DCC: variants seen among roughly 807,000 people sequenced by gnomAD.
DCC encodes the protein DCC netrin 1 receptor.
In DCC, 58 loss-of-function variants were observed where a neutral mutation model predicts 172.5. That is an observed-to-expected ratio of 0.34 (90% confidence interval 0.27 to 0.42). The LOEUF (loss-of-function observed/expected upper bound fraction) is 0.42, where lower values mean the gene tolerates loss of function less well. DCC is among the 10% of genes least tolerant of loss of function. The pLI, the probability that DCC is intolerant of heterozygous loss-of-function variation, is 1.00. For synonymous variants in DCC, 709 were observed against 644.5 expected (o/e 1.10, Z -1.52); for missense variants, 1,740 against 1,791.0 (o/e 0.97, Z 0.51).
intron 25 of DCC, among the ~76,000 whole-genome samples, 175 bp downstream of exon 25, chr18:53,468,185 G>A (rs1187170115): frequency 7.2e-5 from 11 of 151,886 alleles, no homozygotes; most frequent in East Asian, 3.9e-4. Context: ...GTCTTCATTC[G>A]TTACTGTATT....
rs114607259 is a variant in DCC, at chr18:53,005,764, G to A, written c.986-57541G>A. ...AGAAAAGAAAGAATCTTTACTTAAT[G>A]TGTGTTATAATTGTTTGTTGGTTAT... On this transcript the variant is annotated intron_variant, in intron 5 of 28. Coordinates refer to ENST00000442544, the MANE Select transcript of DCC (RefSeq NM_005215.4). 5.1e-3 allele frequency among the ~76,000 whole-genome samples: 774 copies of A among 152,246 alleles called. 5 individuals are homozygous for A. Among genetic ancestry groups the A allele is most frequent in the African/African-American group, 0.017 (721 of 41,554 alleles).
At position 52,627,904 on chromosome 18, in the gene DCC, C is replaced by A. The variant is rs113445871; in HGVS notation, c.92-124150C>A. ...AGAGTGTCTGCAATGTCACTTCCTG[C>A]TTTTCCCCACATTTTGGTGGCCTTC... On this transcript the variant is annotated intron_variant, in intron 1 of 28. Transcript: ENST00000442544. 2.2e-3 allele frequency among the ~76,000 whole-genome samples: 340 copies of A among 152,248 alleles called. 1 individual carries two copies. The highest frequency in any genetic ancestry group is 7.9e-3 in the African/African-American group (329 of 41,550).
At chr18:53,073,891 T>C (rs1039642452) in intron 7 of DCC, among the ~76,000 whole-genome samples, 1 of 150,952 alleles carries the variant, frequency 6.6e-6, no homozygotes, top group Non-Finnish European at 1.5e-5. Flanking sequence ...AATATACTAA[T>C]AAAATTGTAT....
intron 12 of DCC, among the ~76,000 whole-genome samples, chr18:53,222,261 C>T (rs2055945593): frequency 6.6e-6 from 1 of 152,090 alleles, no homozygotes; most frequent in Admixed American, 6.5e-5. Flanking sequence ...AAAGAATACT[C>T]TGCAAATTTG....
chr18:52,989,957 C>G (rs1475524884), intron 5 of DCC, among the ~76,000 whole-genome samples: 1 of 152,152 alleles, frequency 6.6e-6, no homozygotes, highest in African/African-American at 2.4e-5. Context: ...CAGGCAGCAT[C>G]TGAGATGTAA....
At chr18:52,749,026 G>A (rs2036953890) in intron 1 of DCC, among the ~76,000 whole-genome samples, 1 of 152,020 alleles carries the variant, frequency 6.6e-6, no homozygotes, top group Admixed American at 6.6e-5. Context: ...GGCCAACATG[G>A]CCATCTCTAC....
In DCC at chr18:52,870,157, G is replaced by T. The variant is rs985608906; in HGVS notation, c.413-35887G>T. ...CTCCGGGGAGTGCTGCACGAGCTGC[G>T]GCCCAGATCTGCCTCCTCCTTGCAC... is the stretch of plus-strand genomic sequence containing the variant. On this transcript the variant is annotated intron_variant, in intron 2 of 28. Transcript: ENST00000442544. 6.6e-5 allele frequency among the ~76,000 whole-genome samples: 10 copies of T among 152,302 alleles called. No homozygotes were observed. The South Asian group carries it at 1.5e-3, about 22-fold the overall frequency.
At chr18:53,226,948 A>ATATATATATATTTTTTTTTTTTTTTT in intron 12 of DCC, among the ~76,000 whole-genome samples, 2 of 52,954 alleles carry the variant, frequency 3.8e-5, no homozygotes, top group Non-Finnish European at 8.0e-5. Flanking sequence ...ATATATATAT[A>ATATATATATATTTTTTTTTTTTTTTT]TTTTTTTTTT....
chr18:53,421,200 T>C (rs1367625221), intron 21 of DCC, among the ~76,000 whole-genome samples: 3 of 152,212 alleles, frequency 2.0e-5, no homozygotes, highest in Admixed American at 6.5e-5. Flanking sequence ...AATATTGTTC[T>C]CCACTTTGAG....
chr18:52,837,548 C>G (rs767818083), intron 2 of DCC, among the ~76,000 whole-genome samples: 3 of 152,140 alleles, frequency 2.0e-5, no homozygotes, highest in Admixed American at 6.5e-5. Flanking sequence ...AATAAGTTCT[C>G]CATCTCCATC....
At chr18:52,827,430 C>G (rs762156950) in intron 2 of DCC, among the ~76,000 whole-genome samples, 8 of 152,182 alleles carry the variant, frequency 5.3e-5, no homozygotes, top group Non-Finnish European at 1.2e-4. Flanking sequence ...GGAAGTATAT[C>G]CCTAGAGAAT....
Position 52,771,591 on chromosome 18 carries a change from G to A in DCC, c.412+19217G>A, listed in dbSNP as rs528225417. On this transcript the variant is annotated intron_variant, in intron 2 of 28. Transcript: ENST00000442544. The stretch of plus-strand genomic sequence containing the variant: ...ATTACACTCACTAATATAACATGGA[G>A]ACATTGTTATCAGAGAGGTCTCTAA... Among the ~76,000 whole-genome samples the A allele has an allele frequency of 1.4e-4, 22 of 152,274 alleles. No homozygotes were observed. The East Asian group carries it at 2.7e-3, about 19-fold the overall frequency.
chr18:53,339,235 C>T (rs2057626954), intron 14 of DCC, among the ~76,000 whole-genome samples: 1 of 152,182 alleles, frequency 6.6e-6, no homozygotes, highest in Admixed American at 6.5e-5. Context: ...TCATGCTGGA[C>T]AGATCATGGC....
chr18:53,196,022 C>T lies in DCC; in HGVS notation c.1574-9194C>T, dbSNP rs370845108. 1.3e-4 allele frequency among the ~76,000 whole-genome samples: 20 copies of T among 152,280 alleles called. No homozygotes were observed. In the East Asian group the frequency reaches 3.7e-3, roughly 28 times the overall value. On this transcript the variant is annotated intron_variant, in intron 9 of 28. Coordinates refer to ENST00000442544, the MANE Select transcript of DCC (RefSeq NM_005215.4). ...TATTAGACTTTAAAATCACGTGGTA[C>T]TTTTATCTAAACATTTCAATCACAA... is the stretch of plus-strand genomic sequence containing the variant.
intron 2 of DCC, among the ~76,000 whole-genome samples, chr18:52,797,147 T>A (rs2037891342): frequency 6.6e-6 from 1 of 152,188 alleles, no homozygotes; most frequent in Non-Finnish European, 1.5e-5. Context: ...TTTTTGAATT[T>A]CTCATCTAGA....
chr18:53,264,490 A>C (rs1285680456), intron 12 of DCC, among the ~76,000 whole-genome samples: 4 of 151,646 alleles, frequency 2.6e-5, no homozygotes, highest in Non-Finnish European at 5.9e-5. Context: ...AAAAAAAAAA[A>C]AAAAAAGAAG....
chr18:52,777,107 A>G (rs187332500), intron 2 of DCC, among the ~76,000 whole-genome samples: 8 of 152,302 alleles, frequency 5.3e-5, no homozygotes, highest in Admixed American at 3.9e-4. Context: ...TTATCTTAAA[A>G]TTGAGTGTTT....
intron 25 of DCC, among the ~76,000 whole-genome samples, chr18:53,478,322 T>C (rs1361242238): frequency 6.6e-6 from 1 of 152,066 alleles, no homozygotes; most frequent in Non-Finnish European, 1.5e-5. Flanking sequence ...TGAAGAAAGA[T>C]TTAGATCTAC....
At chr18:52,933,274 A>G (rs1251491755) in intron 5 of DCC, among the ~76,000 whole-genome samples, 1 of 152,088 alleles carries the variant, frequency 6.6e-6, no homozygotes, top group Non-Finnish European at 1.5e-5. Context: ...AAGATATGAC[A>G]CAGATCCAAG....
Sources: gnomAD v4.1 joint callset for allele counts (sites outside exome capture counted in the v4.1 genomes callset) on GRCh38, gnomAD v4.1.1 for gene constraint, MANE v1.5 for transcripts, NCBI Gene and HGNC (gene_info 2026-07-23, HGNC 2026-07-21) for gene names.